Variants in ASCC2 observed in about 807,000 individuals in gnomAD.
The protein encoded by ASCC2 is ASC-1 complex subunit P100.
Under a neutral mutation model 93.5 loss-of-function variants are expected in ASCC2, and 42 were observed. That is an observed-to-expected ratio of 0.45 (90% CI 0.35 to 0.58). ASCC2 has a LOEUF of 0.58. ASCC2 is among the 20% of genes least tolerant of loss of function. The pLI, the probability that ASCC2 is intolerant of heterozygous loss-of-function variation, is 0.00. For missense variants in ASCC2, 859 were observed against 977.6 expected (o/e 0.88, Z 1.62); for synonymous variants, 364 against 384.2 (o/e 0.95, Z 0.62).
At chr22:29,827,097 CA>C (rs58520896) in intron 2 of ASCC2, among the ~76,000 whole-genome samples, 4,230 of 57,098 alleles carry the variant, frequency 0.074, 115 homozygotes, top group African/African-American at 0.19. Context: ...GACTCCATCT[CA>C]AAAAAAAAAA....
Position 29,793,633 on chromosome 22 carries a change from G to A in ASCC2, c.1732C>T (p.Arg578Cys). 5.6e-6 allele frequency: 9 copies of A among 1,601,028 alleles called. No individual in the cohort carries two copies. The highest frequency in any genetic ancestry group is 5.6e-5 in the South Asian group (5 of 89,450). ...ENTRSLLNDK[R>C]AVAAQRQRYE... ...CGCTGCCGCTGTGCCGCCACTGCAC[G>A]CTTGTCGTTCAGCAAACTCCGCGTG... Residue 578 changes from arginine to cysteine, a missense_variant, in exon 16 of 20, where the codon CGT becomes TGT. Arg to Cys is a radical substitution (Grantham distance 180). Coordinates refer to ENST00000307790, the MANE Select transcript of ASCC2 (RefSeq NM_032204.5).
intron 15 of ASCC2, among the ~76,000 whole-genome samples, chr22:29,796,477 G>A (rs2058456937): frequency 6.6e-6 from 1 of 152,160 alleles, no homozygotes; most frequent in South Asian, 2.1e-4. Context: ...ACTTGGTTCA[G>A]GAGGTCTGGC....
chr22:29,808,043 G>A, intron 9 of ASCC2, 68 bp downstream of exon 9: 10 of 1,534,966 alleles, frequency 6.5e-6, no homozygotes, highest in Non-Finnish European at 9.0e-6. Context: ...CTAATGCCCA[G>A]GGAAGGCAGG....
Position 29,788,665 on chromosome 22 carries a change from G to C in ASCC2, c.*348C>G, listed in dbSNP as rs1416306766. The C allele has an allele frequency of 3.3e-6, 1 of 304,652 alleles. No individual in the cohort carries two copies. The highest frequency in any genetic ancestry group is 6.2e-6 in the Non-Finnish European group (1 of 161,492). 18.9% of individuals were successfully genotyped at this position (304,652 alleles called of 1,614,324 possible). The stretch of plus-strand genomic sequence containing the variant: ...GACTTTTTGTGTTTTTGAATATACA[G>C]GTTTCCTGCTGTCCAGGGTAAAGGG... On this transcript the variant is annotated 3_prime_UTR_variant, in exon 20 of 20. Coordinates refer to ENST00000307790, the MANE Select transcript of ASCC2 (RefSeq NM_032204.5).
intron 1 of ASCC2, among the ~76,000 whole-genome samples, chr22:29,833,879 C>CTTTTTTT (rs539551425): frequency 7.2e-6 from 1 of 139,542 alleles, no homozygotes; most frequent in Non-Finnish European, 1.5e-5. Context: ...TTTTCTTTTT[C>CTTTTTTT]TTTTTTTTTT....
intron 15 of ASCC2, among the ~76,000 whole-genome samples, chr22:29,795,763 G>T (rs941947080): frequency 6.6e-6 from 1 of 152,146 alleles, no homozygotes; most frequent in Non-Finnish European, 1.5e-5. Context: ...CTCAACTCAC[G>T]GCTTTGCAAA....
intron 10 of ASCC2, 55 bp from the exon 11 acceptor site, chr22:29,806,608 T>A: frequency 3.2e-6 from 5 of 1,545,996 alleles, no homozygotes; most frequent in Non-Finnish European, 4.5e-6. Flanking sequence ...GAGCTGCAGC[T>A]CCTTTACACA....
At chr22:29,810,643 C>G (rs558908337) in intron 8 of ASCC2, among the ~76,000 whole-genome samples, 1 of 152,202 alleles carries the variant, frequency 6.6e-6, no homozygotes. Flanking sequence ...AATGTACATA[C>G]CATCTGTCCT....
intron 1 of ASCC2, chr22:29,833,679 A>G (rs1030315833): frequency 1.1e-5 from 5 of 467,662 alleles, no homozygotes; most frequent in African/African-American, 1.0e-4. Flanking sequence ...AGGCCCCTCA[A>G]AAAACATGCC....
intron 2 of ASCC2, among the ~76,000 whole-genome samples, chr22:29,829,477 C>T (rs533363848): frequency 6.6e-6 from 1 of 152,202 alleles, no homozygotes; most frequent in East Asian, 1.9e-4. Context: ...AATCCCAGTG[C>T]TTTAGGAGGC....
At chr22:29,817,451 C>G (rs1025901854) in intron 5 of ASCC2, among the ~76,000 whole-genome samples, 2 of 152,144 alleles carry the variant, frequency 1.3e-5, no homozygotes, top group Admixed American at 6.6e-5. Context: ...CATTCTCAAC[C>G]TCAGAAAACC....
Position 29,789,180 on chromosome 22 carries a change from G to A in ASCC2, c.2107C>T (p.Arg703Trp), listed in dbSNP as rs776975840. ...GCCACTGCTGTTGAGCTGTCATGCCGGTACCTGAGGGAGGAACAACCCACC... is the reference window on the plus strand; with the variant it reads ...GCCACTGCTGTTGAGCTGTCATGCCAGTACCTGAGGGAGGAACAACCCACC... ...RMAFLAKKGY[R>W]HDSSTAVAGS... The change falls in exon 20 of 20, where the codon CGG becomes TGG. Residue 703 changes from arginine (R) to tryptophan (W), a missense_variant. Coordinates refer to ENST00000307790, the MANE Select transcript of ASCC2 (RefSeq NM_032204.5). The A allele has an allele frequency of 6.8e-6, 11 of 1,614,080 alleles. 1 individual carries two copies. Among genetic ancestry groups the A allele is most frequent in the African/African-American group, 5.3e-5 (4 of 75,046 alleles).
chr22:29,796,404 G>A (rs2058445997), intron 15 of ASCC2, among the ~76,000 whole-genome samples: 1 of 152,144 alleles, frequency 6.6e-6, no homozygotes, highest in Non-Finnish European at 1.5e-5. Context: ...TCAGTGTAGT[G>A]GAGATGACAG....
chr22:29,822,477 G>A lies in ASCC2; in HGVS notation c.412-13C>T. 3 of 1,613,108 alleles carry A rather than the reference G, an allele frequency of 1.9e-6. No individual in the cohort carries two copies. Among genetic ancestry groups the A allele is most frequent in the Non-Finnish European group, 2.5e-6 (3 of 1,179,592 alleles). On this transcript the variant is annotated splice_polypyrimidine_tract_variant and intron_variant, in intron 4 of 19. Coordinates refer to ENST00000307790, the MANE Select transcript of ASCC2 (RefSeq NM_032204.5). Reference sequence around the variant, plus strand: ...AAATGAAGTGATCCTAAGGAAAAATGCAGAGAGAAAGGATAGAGATTTTCT... The same window carrying A: ...AAATGAAGTGATCCTAAGGAAAAATACAGAGAGAAAGGATAGAGATTTTCT...
At chr22:29,821,813 A>C in intron 5 of ASCC2, 1 of 348,642 alleles carries the variant, frequency 2.9e-6, no homozygotes, top group Admixed American at 3.9e-5. Context: ...GGAACAACAT[A>C]GTGAGACCCC....
intron 13 of ASCC2, 81 bp downstream of exon 13, chr22:29,804,557 G>A: frequency 6.6e-7 from 1 of 1,518,942 alleles, no homozygotes; most frequent in Non-Finnish European, 8.9e-7. Context: ...GCAAAGAAGG[G>A]AGGTTTCCTG....
intron 19 of ASCC2, among the ~76,000 whole-genome samples, 190 bp downstream of exon 19, chr22:29,790,279 G>A (rs908925505): frequency 2.0e-5 from 3 of 152,140 alleles, no homozygotes; most frequent in Admixed American, 1.3e-4. Context: ...GTTACTTAAC[G>A]TCTCTGGGCC....
chr22:29,828,862 G>C (rs76909351), intron 2 of ASCC2, among the ~76,000 whole-genome samples: 1,553 of 152,274 alleles, frequency 0.01, 26 homozygotes, highest in African/African-American at 0.036. Context: ...CAATCAAATT[G>C]CATATTTTAC....
intron 15 of ASCC2, among the ~76,000 whole-genome samples, chr22:29,794,623 T>C (rs2058192665): frequency 6.6e-6 from 1 of 152,240 alleles, no homozygotes; most frequent in African/African-American, 2.4e-5. Context: ...CTTTTCAGCA[T>C]TGTTTGCAAC....
Sources: allele counts gnomAD v4.1 joint callset (sites outside exome capture counted in the v4.1 genomes callset), GRCh38; gene constraint gnomAD v4.1.1; transcripts MANE v1.5; gene names NCBI Gene and HGNC (gene_info 2026-07-23, HGNC 2026-07-21).